NIPA1: variants seen among roughly 807,000 people sequenced by gnomAD.
The protein encoded by NIPA1 is magnesium transporter NIPA1.
A neutral mutation model predicts 23.9 loss-of-function variants in NIPA1; 13 were observed. The observed-to-expected ratio is 0.54, with a 90% confidence interval of 0.35 to 0.87. The LOEUF (loss-of-function observed/expected upper bound fraction) is 0.87, where lower values mean the gene tolerates loss of function less well. Ranked by LOEUF, NIPA1 falls within the 40% of genes least tolerant of loss-of-function variation. NIPA1 has a pLI of 0.01. For synonymous variants in NIPA1, 234 were observed against 202.9 expected, an observed-to-expected ratio of 1.15 and a Z score of -1.30; for missense variants, 362 against 429.7, an observed-to-expected ratio of 0.84 and a Z score of 1.39.
chr15:22,800,826 G>T (rs1895060244), intron 1 of NIPA1, among the ~76,000 whole-genome samples: 1 of 151,968 alleles, frequency 6.6e-6, no homozygotes, highest in Non-Finnish European at 1.5e-5. Context: ...AGCTACTTGG[G>T]AGGCTGAGGC....
rs894814701 is a variant in NIPA1, at chr15:22,817,186, CA to C, written c.318-3103del. On this transcript the variant is annotated intron_variant, in intron 3 of 4. Transcript: ENST00000337435. ...CAGGCAACAGAGTGAGACTCTGTCT[CA>C]AAAAAAAAAAAAAAAAAAAAAAATT... is the stretch of plus-strand genomic sequence containing the variant. Among the ~76,000 whole-genome samples, 205 of 61,012 alleles carry C rather than the reference CA, an allele frequency of 3.4e-3. 2 individuals carry two copies. The highest frequency in any genetic ancestry group is 5.1e-3 in the South Asian group (9 of 1,766). 40.0% of individuals were successfully genotyped at this position (61,012 alleles called of 152,430 possible). A position where few individuals can be genotyped will look rare whatever the true frequency, so the allele number is the denominator to read the frequency against.
intron 1 of NIPA1, among the ~76,000 whole-genome samples, chr15:22,799,189 G>A (rs986188917): frequency 5.9e-5 from 9 of 152,094 alleles, no homozygotes; most frequent in African/African-American, 1.9e-4. Context: ...AGTGTTCACC[G>A]ACAGTTGACC....
In NIPA1 at chr15:22,786,688, C is replaced by T. The variant is rs1395086841; in HGVS notation, c.32C>T (p.Ala11Val). 8 of 1,105,574 alleles carry T rather than the reference C, an allele frequency of 7.2e-6. No individual in the cohort carries two copies. Among genetic ancestry groups the T allele is most frequent in the Non-Finnish European group, 8.8e-6 (8 of 909,100 alleles). 68.5% of individuals were successfully genotyped at this position (1,105,574 alleles called of 1,614,324 possible). ...ACTGCAGCTGCGGCAGCGGCGGCGG[C>T]GGCGGCGGCGGCGGCCGGGGAGGGG... is the stretch of plus-strand genomic sequence containing the variant. Reference protein sequence around the residue: MGTAAAAAAAAAAAAAGEGAR... With the variant: MGTAAAAAAAVAAAAAGEGAR... The change falls in exon 1 of 5, where the codon GCG becomes GTG. Residue 11 changes from alanine to valine, a missense_variant. By Grantham distance (64) the Ala-to-Val change is moderately conservative. Coordinates refer to ENST00000337435, the MANE Select transcript of NIPA1 (RefSeq NM_144599.5).
chr15:22,805,145 T>G (rs1446453157), intron 1 of NIPA1, among the ~76,000 whole-genome samples: 1 of 151,858 alleles, frequency 6.6e-6, no homozygotes, highest in Non-Finnish European at 1.5e-5. Flanking sequence ...CAGCCTATGG[T>G]AAATCTTAAA....
chr15:22,797,510 CT>C (rs35158063), intron 1 of NIPA1, among the ~76,000 whole-genome samples: 53 of 124,526 alleles, frequency 4.3e-4, no homozygotes, highest in Non-Finnish European at 4.5e-4. Flanking sequence ...CCGCGCCTGG[CT>C]TTTTTTTTTT....
At chr15:22,823,604 G>T (rs990488370) in intron 4 of NIPA1, 124 bp from the exon 5 acceptor site, 1 of 886,906 alleles carries the variant, frequency 1.1e-6, no homozygotes, top group East Asian at 2.6e-5. Context: ...GCTCCCCAGG[G>T]CTGTGCCGCA....
At chr15:22,811,933 G>A (rs946709009) in intron 2 of NIPA1, among the ~76,000 whole-genome samples, 3 of 152,178 alleles carry the variant, frequency 2.0e-5, no homozygotes, top group Non-Finnish European at 1.5e-5. Flanking sequence ...GGTTAGGTTC[G>A]GCATTTCCAT....
intron 3 of NIPA1, among the ~76,000 whole-genome samples, chr15:22,818,687 C>T (rs1231659444): frequency 6.6e-6 from 1 of 151,882 alleles, no homozygotes; most frequent in Non-Finnish European, 1.5e-5. Flanking sequence ...ATCCCAGCTA[C>T]TCGGGAGGCT....
rs1566773029 is a variant in NIPA1 at position 22,786,703 on chromosome 15, C to T, written c.47C>T (p.Ala16Val). Reference sequence around the variant, plus strand: ...GCGGCGGCGGCGGCGGCGGCGGCGGCCGGGGAGGGGGCGCGTAGCCCGAGC... The same window carrying T: ...GCGGCGGCGGCGGCGGCGGCGGCGGTCGGGGAGGGGGCGCGTAGCCCGAGC... ...AAAAAAAAAA[A>V]GEGARSPSPA... The change falls in exon 1 of 5, where the codon GCC (alanine) becomes GTC (valine). Residue 16 changes from alanine to valine, a missense_variant. Transcript: ENST00000337435. 1.8e-6 allele frequency: 2 copies of T among 1,132,658 alleles called. No homozygotes were observed. The highest frequency in any genetic ancestry group is 4.2e-5 in the Admixed American group (1 of 23,728). The allele number at this position is 1,132,658 out of a possible 1,614,324, so 70.2% of individuals were successfully genotyped here.
chr15:22,787,567 C>T (rs931220512), intron 1 of NIPA1, among the ~76,000 whole-genome samples: 1 of 152,224 alleles, frequency 6.6e-6, no homozygotes, highest in African/African-American at 2.4e-5. Flanking sequence ...CTCCGTAGTG[C>T]TCTGCGGGGT....
intron 1 of NIPA1, among the ~76,000 whole-genome samples, chr15:22,790,939 G>A (rs1184275678): frequency 6.6e-6 from 1 of 152,100 alleles, no homozygotes; most frequent in Non-Finnish European, 1.5e-5. Flanking sequence ...CCTTATGCTG[G>A]AAAAAGTTGT....
Position 22,824,156 on chromosome 15 carries a change from G to T in NIPA1, c.907G>T (p.Val303Leu). 6.2e-7 allele frequency: 1 copy of T among 1,613,520 alleles called. No homozygotes were observed. ...GMACGFTTVSVGIVLIQVFKE... is the reference protein window; with the variant it reads ...GMACGFTTVSLGIVLIQVFKE... ...GGCCTGTGGATTCACGACCGTCTCC[G>T]TGGGGATTGTCCTTATACAGGTGTT... is the stretch of plus-strand genomic sequence containing the variant. The change falls in exon 5 of 5, where the codon GTG becomes TTG. Residue 303 changes from valine (V) to leucine (L), a missense_variant. This residue lies in a region of NIPA1 where 277 missense variants were observed against 372.0 expected (regional missense o/e 0.74). Transcript: ENST00000337435. The surrounding 1 kb of genome is among the most constrained non-coding windows in gnomAD (Gnocchi z 4.1).
At chr15:22,797,859 T>A (rs1352381424) in intron 1 of NIPA1, among the ~76,000 whole-genome samples, 1 of 151,400 alleles carries the variant, frequency 6.6e-6, no homozygotes, top group Admixed American at 6.6e-5. Flanking sequence ...TTTTTTTTTT[T>A]TTTGAGACGG....
intron 1 of NIPA1, among the ~76,000 whole-genome samples, chr15:22,807,202 C>T (rs944301660): frequency 6.6e-6 from 1 of 152,140 alleles, no homozygotes; most frequent in African/African-American, 2.4e-5. Flanking sequence ...CAGGTTCCTC[C>T]TCATTTTGTG....
Position 22,827,516 on chromosome 15 carries a change from C to T in NIPA1, c.*3277C>T, listed in dbSNP as rs1895676378. The T allele has an allele frequency of 6.6e-6, 1 of 152,196 alleles. No individual in the cohort carries two copies. The highest frequency in any genetic ancestry group is 2.1e-4 in the South Asian group (1 of 4,832). The allele number at this position is 152,196 out of a possible 1,614,324, so 9.4% of individuals were successfully genotyped here. On this transcript the variant is annotated 3_prime_UTR_variant, in exon 5 of 5. Coordinates refer to ENST00000337435, the MANE Select transcript of NIPA1 (RefSeq NM_144599.5). Reference sequence around the variant, plus strand: ...TGCTCAGCTCTCATTGAGATCTTTTCCTATCAGAATGTTAGTGAATATACT... The same window carrying T: ...TGCTCAGCTCTCATTGAGATCTTTTTCTATCAGAATGTTAGTGAATATACT...
chr15:22,789,030 G>A (rs1894773859), intron 1 of NIPA1, among the ~76,000 whole-genome samples: 1 of 146,676 alleles, frequency 6.8e-6, no homozygotes, highest in Admixed American at 6.9e-5. Context: ...TTTCGCTCTT[G>A]TTGCCCAGGC....
In NIPA1 at chr15:22,786,782, C is replaced by T. The variant is rs748012969; in HGVS notation, c.126C>T (p.Asn42=). The T allele has an allele frequency of 3.8e-6, 5 of 1,301,554 alleles. No homozygotes were observed. The Admixed American group carries it at 6.9e-5, about 18-fold the overall frequency. The allele number at this position is 1,301,554 out of a possible 1,614,324, so 80.6% of individuals were successfully genotyped here. Residue 42 remains asparagine, a synonymous_variant, in exon 1 of 5, where the codon AAC becomes AAT. Coordinates refer to ENST00000337435, the MANE Select transcript of NIPA1 (RefSeq NM_144599.5). The part of the protein sequence containing the change: ...LGVAVVSSLV[N]GSTFVLQKKG... ...TGGCCGTCGTGTCGAGCCTGGTGAA[C>T]GGGTCCACGTTCGTGCTACAGAAGA...
intron 1 of NIPA1, among the ~76,000 whole-genome samples, chr15:22,792,442 T>G (rs1346687036): frequency 6.6e-6 from 1 of 151,974 alleles, no homozygotes; most frequent in Non-Finnish European, 1.5e-5. Flanking sequence ...CACTGCAAGC[T>G]CCGCCTCCCA....
chr15:22,816,574 C>T (rs1389848287), intron 3 of NIPA1, among the ~76,000 whole-genome samples: 1 of 141,638 alleles, frequency 7.1e-6, no homozygotes, highest in Non-Finnish European at 1.5e-5. Context: ...TCACTGCAAC[C>T]TCGGCCTCCT....
Sources: allele counts gnomAD v4.1 joint callset (sites outside exome capture counted in the v4.1 genomes callset), GRCh38; gene constraint gnomAD v4.1.1; regional missense constraint gnomAD v4.1.1; non-coding constraint Gnocchi (gnomAD v3.1); transcripts MANE v1.5; gene names NCBI Gene and HGNC (gene_info 2026-07-23, HGNC 2026-07-21).